The following ZNF385B variants were observed in gnomAD, a reference collection of about 807,000 sequenced individuals.
The protein encoded by ZNF385B is zinc finger protein 533.
A neutral mutation model predicts 39.2 loss-of-function variants in ZNF385B; 23 were observed. The ratio of observed to expected loss-of-function variants is 0.59; its 90% CI spans 0.42 to 0.83. The LOEUF is 0.83. Ranked by LOEUF, ZNF385B falls within the 40% of genes least tolerant of loss-of-function variation. ZNF385B has a pLI of 0.00. For synonymous variants in ZNF385B, 205 were observed against 222.6 expected (o/e 0.92, Z 0.70); for missense variants, 552 against 598.9 (o/e 0.92, Z 0.82).
At chr2:179,759,891 T>A (rs1007987824) in intron 3 of ZNF385B, among the ~76,000 whole-genome samples, 1 of 152,118 alleles carries the variant, frequency 6.6e-6, no homozygotes, top group Non-Finnish European at 1.5e-5. Context: ...TTTCCTATTA[T>A]CTCTAATTAT....
At chr2:179,664,321 C>A (rs1179579450) in intron 3 of ZNF385B, among the ~76,000 whole-genome samples, 1 of 152,006 alleles carries the variant, frequency 6.6e-6, no homozygotes, top group Admixed American at 6.6e-5. Context: ...AATACTTAGG[C>A]TTCACTTAAG....
At chr2:179,639,249 AGGGGGAGAAAGAAAAG>A (rs1575061473) in intron 3 of ZNF385B, among the ~76,000 whole-genome samples, 9 of 128,636 alleles carry the variant, frequency 7.0e-5, no homozygotes, top group South Asian at 2.7e-4. Context: ...AAAAAAAAAA[AGGGGGAGAAAGAAAAG>A]AAAAAAATGA....
intron 5 of ZNF385B, chr2:179,514,094 G>A (rs2057902948): frequency 6.6e-6 from 1 of 152,204 alleles, no homozygotes; most frequent in South Asian, 2.1e-4. Flanking sequence ...CAGTTCTGGA[G>A]GTCAGAAGTC....
intron 3 of ZNF385B, among the ~76,000 whole-genome samples, chr2:179,629,613 G>T (rs1175979538): frequency 6.6e-6 from 1 of 152,130 alleles, no homozygotes; most frequent in African/African-American, 2.4e-5. Context: ...GCAGAAGACG[G>T]GTGATTTCCA....
At chr2:179,498,767 A>C (rs2056482672) in intron 5 of ZNF385B, among the ~76,000 whole-genome samples, 1 of 151,984 alleles carries the variant, frequency 6.6e-6, no homozygotes, top group South Asian at 2.1e-4. Flanking sequence ...GATGCATCTT[A>C]AAGAAACAGA....
chr2:179,779,913 A>C (rs771988706), intron 1 of ZNF385B, among the ~76,000 whole-genome samples: 5 of 152,202 alleles, frequency 3.3e-5, no homozygotes, highest in Non-Finnish European at 5.9e-5. Flanking sequence ...TTATTCATTA[A>C]AGAAATAATT....
intron 3 of ZNF385B, among the ~76,000 whole-genome samples, chr2:179,677,261 A>G (rs1696962642): frequency 1.3e-5 from 2 of 152,196 alleles, no homozygotes; most frequent in Admixed American, 6.5e-5. Flanking sequence ...CATGAAGCAC[A>G]GGAAGTCTAA....
intron 3 of ZNF385B, among the ~76,000 whole-genome samples, chr2:179,688,992 C>A (rs917482698): frequency 6.6e-6 from 1 of 152,152 alleles, no homozygotes; most frequent in Non-Finnish European, 1.5e-5. Flanking sequence ...GAGAACTCTT[C>A]CTGGGCTTTT....
At chr2:179,825,332 T>TTTTG (rs1270480106) in intron 1 of ZNF385B, among the ~76,000 whole-genome samples, 2 of 152,186 alleles carry the variant, frequency 1.3e-5, no homozygotes, top group Non-Finnish European at 2.9e-5. Context: ...TCCTGTTTTG[T>TTTTG]TTTGTTTTTC....
At chr2:179,579,425 T>C (rs1686225149) in intron 3 of ZNF385B, among the ~76,000 whole-genome samples, 1 of 152,092 alleles carries the variant, frequency 6.6e-6, no homozygotes, top group Non-Finnish European at 1.5e-5. Flanking sequence ...ATACCAAAGT[T>C]AGATAACTAA....
intron 1 of ZNF385B, among the ~76,000 whole-genome samples, chr2:179,838,609 C>A (rs138044706): frequency 4.7e-4 from 71 of 152,038 alleles, no homozygotes; most frequent in African/African-American, 1.7e-3. Flanking sequence ...CAAGATTCCT[C>A]GGGAAAGGAA....
chr2:179,451,633 A>G (rs1288395998), intron 6 of ZNF385B, among the ~76,000 whole-genome samples: 1 of 152,106 alleles, frequency 6.6e-6, no homozygotes, highest in Non-Finnish European at 1.5e-5. Context: ...TGACTTTGGA[A>G]ATGTGTAAAT....
At position 179,544,812 on chromosome 2, in the gene ZNF385B, A is replaced by C. The variant is rs1303271737; in HGVS notation, c.441+15T>G. On this transcript the variant is annotated intron_variant, in intron 4 of 9. Transcript: ENST00000410066. Reference sequence around the variant, plus strand: ...TGGAGGAGGACACAAATAAAATAGAAATGAATTTACTCACTGTGTTAAAAT... The same window carrying C: ...TGGAGGAGGACACAAATAAAATAGACATGAATTTACTCACTGTGTTAAAAT... 1 of 1,613,844 alleles carries C rather than the reference A, an allele frequency of 6.2e-7. No homozygotes were observed. The highest frequency in any genetic ancestry group is 8.5e-7 in the Non-Finnish European group (1 of 1,179,752).
chr2:179,842,866 T>G (rs1708608311), intron 1 of ZNF385B, among the ~76,000 whole-genome samples: 1 of 152,196 alleles, frequency 6.6e-6, no homozygotes, highest in South Asian at 2.1e-4. Flanking sequence ...CTGGGAAACA[T>G]GCTTGGATTT....
At position 179,666,893 on chromosome 2, in the gene ZNF385B, T is replaced by C. The variant is rs544845587; in HGVS notation, c.298+102610A>G. On this transcript the variant is annotated intron_variant, in intron 3 of 9. Coordinates refer to ENST00000410066, the MANE Select transcript of ZNF385B (RefSeq NM_152520.6). ...GACTCCAACATCTGACAAAAATACC[T>C]GTAGCTGTTGTTGTTGTTTTTTGTT... 9.9e-4 allele frequency among the ~76,000 whole-genome samples: 145 copies of C among 146,316 alleles called. 1 individual carries two copies. Among genetic ancestry groups the C allele is most frequent in the Middle Eastern group, 3.5e-3 (1 of 288 alleles).
chr2:179,499,594 C>G (rs960820760), intron 5 of ZNF385B, among the ~76,000 whole-genome samples: 4 of 151,862 alleles, frequency 2.6e-5, no homozygotes, highest in Non-Finnish European at 5.9e-5. Context: ...ATTCAACATC[C>G]CTTCATGATA....
chr2:179,724,788 T>C (rs1700901145), intron 3 of ZNF385B, among the ~76,000 whole-genome samples: 1 of 152,182 alleles, frequency 6.6e-6, no homozygotes, highest in South Asian at 2.1e-4. Flanking sequence ...AATAAATAAC[T>C]GTTCTCTAGA....
In ZNF385B at chr2:179,531,550, C is replaced by G. The variant is rs1465384145; in HGVS notation, c.442-12912G>C. Among the ~76,000 whole-genome samples, 3 of 152,034 alleles carry G rather than the reference C, an allele frequency of 2.0e-5. 1 individual carries two copies. On this transcript the variant is annotated intron_variant, in intron 4 of 9. Coordinates refer to ENST00000410066, the MANE Select transcript of ZNF385B (RefSeq NM_152520.6). Reference sequence around the variant, plus strand: ...ACTGGGGAGGCTGAGGCAGGAGAATCGCTTGAACCTGGGAGGTTCAAGTGC... The same window carrying G: ...ACTGGGGAGGCTGAGGCAGGAGAATGGCTTGAACCTGGGAGGTTCAAGTGC...
chr2:179,455,212 C>T (rs1169718295), intron 6 of ZNF385B, among the ~76,000 whole-genome samples: 5 of 151,916 alleles, frequency 3.3e-5, no homozygotes, highest in Admixed American at 3.3e-4. Flanking sequence ...CAATTGCCTA[C>T]AGTATTTAGT....
Sources: allele counts gnomAD v4.1 joint callset (sites outside exome capture counted in the v4.1 genomes callset), GRCh38; gene constraint gnomAD v4.1.1; transcripts MANE v1.5; gene names NCBI Gene and HGNC (gene_info 2026-07-23, HGNC 2026-07-21).